Variants in CPED1 observed in about 807,000 individuals in gnomAD.
CPED1 encodes cadherin-like and PC-esterase domain-containing protein 1.
A neutral mutation model predicts 128.2 loss-of-function variants in CPED1; 114 were observed. The observed-to-expected ratio is 0.89, with a 90% CI of 0.76 to 1.04. The LOEUF (loss-of-function observed/expected upper bound fraction) is 1.04. CPED1 is among the 50% of genes least tolerant of loss of function. The probability of loss-of-function intolerance (pLI) is 0.00; values close to 1 mark genes in which losing one functional copy is unlikely to be tolerated. For synonymous variants in CPED1, 462 were observed against 426.7 expected (o/e 1.08, Z -1.02); for missense variants, 1,211 against 1,207.1 (o/e 1.00, Z -0.05).
intron 4 of CPED1, among the ~76,000 whole-genome samples, chr7:121,049,612 GT>G (rs1352884073): frequency 6.6e-6 from 1 of 152,216 alleles, no homozygotes; most frequent in Non-Finnish European, 1.5e-5. Flanking sequence ...GCTATTCAAG[GT>G]TTTTTGTGAG....
chr7:121,191,076 T>C (rs1339654769), intron 16 of CPED1, among the ~76,000 whole-genome samples: 6 of 152,148 alleles, frequency 3.9e-5, no homozygotes, highest in Non-Finnish European at 4.4e-5. Context: ...CATGTGGTTA[T>C]AGCAAAATAG....
intron 22 of CPED1, among the ~76,000 whole-genome samples, chr7:121,294,998 A>G (rs780301541): frequency 2.2e-4 from 34 of 152,286 alleles, no homozygotes; most frequent in Non-Finnish European, 3.5e-4. Flanking sequence ...TTCTCTGAAA[A>G]TAGTTTTAGT....
At chr7:121,129,159 C>T (rs1286040890) in intron 11 of CPED1, among the ~76,000 whole-genome samples, 1 of 150,832 alleles carries the variant, frequency 6.6e-6, no homozygotes, top group East Asian at 1.9e-4. Context: ...ATTTTTCCAC[C>T]TAAGATTTGT....
In CPED1 at chr7:121,207,354, TC is replaced by T. The variant is rs563226599; in HGVS notation, c.2056-29356del. Among the ~76,000 whole-genome samples the T allele has an allele frequency of 8.4e-3, 1,281 of 152,172 alleles. 15 individuals carry two copies. The highest frequency in any genetic ancestry group is 0.012 in the Non-Finnish European group (815 of 67,954). On this transcript the variant is annotated intron_variant, in intron 16 of 22. Coordinates refer to ENST00000310396, the MANE Select transcript of CPED1 (RefSeq NM_024913.5). The stretch of plus-strand genomic sequence containing the variant: ...TAAGCAATGTATAAGTGTGCCTGTT[TC>T]CCCACAGTCTCACCAACTAATGCTA...
chr7:121,295,302 C>A (rs903257717), intron 22 of CPED1, 138 bp from the exon 23 acceptor site: 51 of 1,053,840 alleles, frequency 4.8e-5, no homozygotes, highest in Non-Finnish European at 6.3e-5. Context: ...TATAGCCATT[C>A]CTGGTTATGT....
At chr7:120,989,012 T>A (rs1279924230) in intron 1 of CPED1, 100 bp downstream of exon 1, 1 of 152,486 alleles carries the variant, frequency 6.6e-6, no homozygotes, top group African/African-American at 2.4e-5. Context: ...GCCCTTTTTA[T>A]GTTAAAAGCC....
chr7:121,130,264 A>G lies in CPED1; in HGVS notation c.1547A>G (p.Asn516Ser), dbSNP rs1211681188. 10 of 1,607,030 alleles carry G rather than the reference A, an allele frequency of 6.2e-6. No individual in the cohort carries two copies. Among genetic ancestry groups the G allele is most frequent in the Non-Finnish European group, 8.5e-6 (10 of 1,177,450 alleles). ...GTATTTGAACAATTTCAGTTCATGA[A>G]TAAAAAGACACAGCCACATCCACTG... is the stretch of plus-strand genomic sequence containing the variant. Reference protein sequence around the residue: ...LNVFEQFQFMNKKTQPHPLEW... With the variant: ...LNVFEQFQFMSKKTQPHPLEW... Residue 516 changes from asparagine to serine, a missense_variant, in exon 12 of 23, where the codon AAT (asparagine) becomes AGT (serine). Transcript: ENST00000310396.
Position 121,024,667 on chromosome 7 carries a change from G to C in CPED1, c.433+8819G>C, listed in dbSNP as rs549729305. 2.0e-5 allele frequency among the ~76,000 whole-genome samples: 3 copies of C among 152,090 alleles called. No homozygotes were observed. In the South Asian group the frequency reaches 6.2e-4, roughly 32 times the overall value. On this transcript the variant is annotated intron_variant, in intron 3 of 22. Coordinates refer to ENST00000310396, the MANE Select transcript of CPED1 (RefSeq NM_024913.5). ...AAAATTTGATAAGTAATTTACTTCA[G>C]GTCATTGTTCTTTTTGTATGTCTTT...
chr7:121,283,731 CCTGT>C (rs1174038362), intron 22 of CPED1, among the ~76,000 whole-genome samples: 1 of 152,158 alleles, frequency 6.6e-6, no homozygotes, highest in African/African-American at 2.4e-5. Context: ...TTTCTTGTTG[CCTGT>C]CTAAGAGCAC....
chr7:121,115,803 T>A (rs1458189728), intron 7 of CPED1, among the ~76,000 whole-genome samples: 1 of 152,216 alleles, frequency 6.6e-6, no homozygotes, highest in Non-Finnish European at 1.5e-5. Flanking sequence ...TTAACTTTAA[T>A]AGAAATAGTT....
intron 11 of CPED1, among the ~76,000 whole-genome samples, chr7:121,129,267 A>G (rs1422802938): frequency 6.9e-6 from 1 of 145,512 alleles, no homozygotes; most frequent in Non-Finnish European, 1.5e-5. Flanking sequence ...TGTAAAAAGT[A>G]TATGTGTGTG....
intron 5 of CPED1, among the ~76,000 whole-genome samples, chr7:121,083,383 C>T (rs1356255291): frequency 6.6e-6 from 1 of 152,102 alleles, no homozygotes; most frequent in Non-Finnish European, 1.5e-5. Context: ...GTTGTCCTAG[C>T]TTTTTGAAGC....
At chr7:121,283,196 A>C (rs994686500) in intron 22 of CPED1, among the ~76,000 whole-genome samples, 1 of 152,214 alleles carries the variant, frequency 6.6e-6, no homozygotes, top group Admixed American at 6.5e-5. Flanking sequence ...ATTTATGGTC[A>C]CTGGATTTAT....
At chr7:121,092,694 G>T (rs1359380516) in intron 5 of CPED1, among the ~76,000 whole-genome samples, 1 of 152,128 alleles carries the variant, frequency 6.6e-6, no homozygotes, top group Non-Finnish European at 1.5e-5. Context: ...GTAGTTAGGG[G>T]GTAGGAGCTT....
intron 21 of CPED1, 103 bp downstream of exon 21, chr7:121,267,405 G>A: frequency 1.9e-6 from 1 of 525,584 alleles, no homozygotes; most frequent in East Asian, 3.3e-5. Context: ...CAACCTTCAT[G>A]AAAGTAAAAA....
At chr7:121,254,228 A>G (rs1562852009) in intron 18 of CPED1, among the ~76,000 whole-genome samples, 1 of 152,136 alleles carries the variant, frequency 6.6e-6, no homozygotes, top group African/African-American at 2.4e-5. Flanking sequence ...CCACAGTACA[A>G]TAAAAACAGA....
At chr7:121,085,636 G>A (rs141051448) in intron 5 of CPED1, among the ~76,000 whole-genome samples, 1 of 152,082 alleles carries the variant, frequency 6.6e-6, no homozygotes, top group Non-Finnish European at 1.5e-5. Flanking sequence ...CTTTAGGAGA[G>A]ATTCCTTACT....
At chr7:120,993,237 G>A (rs1408094168) in intron 2 of CPED1, among the ~76,000 whole-genome samples, 2 of 152,112 alleles carry the variant, frequency 1.3e-5, no homozygotes, top group African/African-American at 4.8e-5. Flanking sequence ...ACATTTCATA[G>A]CACAGGAAGC....
chr7:121,205,801 A>G (rs1797504300), intron 16 of CPED1, among the ~76,000 whole-genome samples: 1 of 152,048 alleles, frequency 6.6e-6, no homozygotes, highest in Non-Finnish European at 1.5e-5. Flanking sequence ...TGTAATTTAA[A>G]TGCTCAGAAA....
Sources: allele counts gnomAD v4.1 joint callset (sites outside exome capture counted in the v4.1 genomes callset), GRCh38; gene constraint gnomAD v4.1.1; transcripts MANE v1.5; gene names NCBI Gene and HGNC (gene_info 2026-07-23, HGNC 2026-07-21).